The following FAM118A variants were observed in gnomAD, a reference collection of about 807,000 sequenced individuals.
FAM118A encodes SIR2 antiphage like 2.
A neutral mutation model predicts 38.2 loss-of-function variants in FAM118A; 25 were observed. The observed-to-expected ratio is 0.65, with a 90% CI of 0.48 to 0.91. The LOEUF (loss-of-function observed/expected upper bound fraction) is 0.91, where lower values mean the gene tolerates loss of function less well. Among genes scored for constraint, FAM118A ranks in the 40% least tolerant of loss-of-function variants. The probability of loss-of-function intolerance (pLI) is 0.00; values close to 1 mark genes in which losing one functional copy is unlikely to be tolerated. For synonymous variants in FAM118A, 178 were observed against 184.1 expected, an observed-to-expected ratio of 0.97 and a Z score of 0.27; for missense variants, 425 against 463.3, an observed-to-expected ratio of 0.92 and a Z score of 0.76.
rs762231897 is a variant in FAM118A at position 45,323,197 on chromosome 22, C to T, written c.70C>T (p.Arg24Trp). 56 of 1,611,674 alleles carry T rather than the reference C, an allele frequency of 3.5e-5. No individual in the cohort carries two copies. Among genetic ancestry groups the T allele is most frequent in the East Asian group, 1.8e-4 (8 of 44,844 alleles). Residue 24 changes from arginine to tryptophan, a missense_variant, in exon 3 of 9, where the codon CGG becomes TGG. Transcript: ENST00000441876. Reference protein sequence around the residue: ...KSRKFLKSLIRKQPQELLLVI... With the variant: ...KSRKFLKSLIWKQPQELLLVI... The stretch of plus-strand genomic sequence containing the variant: ...TAGAAAGTTTTTAAAAAGCCTCATC[C>T]GGAAACAGCCCCAGGAACTGCTCCT...
At chr22:45,333,774 G>A (rs2085897085) in intron 6 of FAM118A, among the ~76,000 whole-genome samples, 1 of 151,994 alleles carries the variant, frequency 6.6e-6, no homozygotes, top group African/African-American at 2.4e-5. Context: ...CCAGGAGTTA[G>A]AGACTGCAGT....
intron 1 of FAM118A, among the ~76,000 whole-genome samples, chr22:45,318,183 C>T (rs1407233817): frequency 6.6e-6 from 1 of 152,114 alleles, no homozygotes; most frequent in East Asian, 1.9e-4. Flanking sequence ...TGCTAGTGAT[C>T]TTAAGTTCTA....
At chr22:45,326,699 C>T (rs2085291921) in intron 3 of FAM118A, among the ~76,000 whole-genome samples, 2 of 151,648 alleles carry the variant, frequency 1.3e-5, no homozygotes, top group Non-Finnish European at 2.9e-5. Context: ...TGGTGGTGCG[C>T]ACCTGTAGTC....
intron 1 of FAM118A, among the ~76,000 whole-genome samples, chr22:45,316,140 A>G (rs1470422595): frequency 3.9e-5 from 6 of 152,182 alleles, no homozygotes; most frequent in African/African-American, 1.4e-4. Context: ...CCCGGGTTCA[A>G]GCGATTCTCC....
intron 1 of FAM118A, among the ~76,000 whole-genome samples, 164 bp downstream of exon 1, chr22:45,310,347 A>T (rs1347495856): frequency 4.3e-5 from 6 of 138,606 alleles, no homozygotes; most frequent in Admixed American, 2.2e-4. Context: ...CTGCCCCTCC[A>T]GGCCCGCGAA....
At chr22:45,339,117 A>G (rs1389195886) in intron 8 of FAM118A, among the ~76,000 whole-genome samples, 1 of 152,182 alleles carries the variant, frequency 6.6e-6, no homozygotes, top group Non-Finnish European at 1.5e-5. Flanking sequence ...AGTTTTATAC[A>G]ACTTTGGCTG....
intron 1 of FAM118A, chr22:45,322,044 C>T: frequency 2.3e-6 from 1 of 437,612 alleles, no homozygotes; most frequent in South Asian, 2.1e-5. Flanking sequence ...TCTTCTAGAG[C>T]AGTGTCCCAA....
rs558483777 is a variant in FAM118A, at chr22:45,319,273, G to T, written c.-9-3098G>T. On this transcript the variant is annotated intron_variant, in intron 1 of 8. Transcript: ENST00000441876. ...TTTAAAAAATAGTCTAAAATGTCGT[G>T]TACAGACGGCTGAACTAAACAAGCC... 3.9e-5 allele frequency among the ~76,000 whole-genome samples: 6 copies of T among 152,260 alleles called. No individual in the cohort carries two copies. The South Asian group carries it at 8.3e-4, about 21-fold the overall frequency.
upstream of FAM118A, chr22:45,309,155 C>A (rs907440557): frequency 5.3e-5 from 8 of 152,344 alleles, no homozygotes; most frequent in Middle Eastern, 3.4e-3. Context: ...GGGGGCCTCG[C>A]CGGATCGAAC....
intron 6 of FAM118A, 87 bp from the exon 7 acceptor site, chr22:45,335,263 G>A: frequency 1.3e-6 from 2 of 1,507,822 alleles, no homozygotes; most frequent in Non-Finnish European, 9.2e-7. Flanking sequence ...CCCAGTCCCT[G>A]CCGTTCCCAG....
intron 1 of FAM118A, among the ~76,000 whole-genome samples, chr22:45,315,323 T>C (rs1316771321): frequency 6.6e-6 from 1 of 152,076 alleles, no homozygotes; most frequent in Non-Finnish European, 1.5e-5. Flanking sequence ...TTAAGTGGAG[T>C]GCGTTCAAAT....
At chr22:45,312,391 TGCCAGTCGCGGTGGCTCAC>T (rs2084408550) in intron 1 of FAM118A, among the ~76,000 whole-genome samples, 1 of 151,984 alleles carries the variant, frequency 6.6e-6, no homozygotes, top group Non-Finnish European at 1.5e-5. Context: ...TTGATTAATT[TGCCAGTCGCGGTGGCTCAC>T]GCCTGTAATC....
rs2085386837 is a variant in FAM118A at position 45,327,724 on chromosome 22, G to T, written c.301-118G>T. The T allele has an allele frequency of 7.7e-6, 8 of 1,039,898 alleles. No homozygotes were observed. In the South Asian group the frequency reaches 1.2e-4, roughly 15 times the overall value. 64.4% of individuals were successfully genotyped at this position (1,039,898 alleles called of 1,614,324 possible). A position where few individuals can be genotyped will look rare whatever the true frequency, so the allele number is the denominator to read the frequency against. On this transcript the variant is annotated intron_variant, in intron 3 of 8. Transcript: ENST00000441876. Reference sequence around the variant, plus strand: ...CTGGGGTTGCGGCGCACGCTGTGAAGCCAGATTTTCTTTGTTTTCAGCCGC... The same window carrying T: ...CTGGGGTTGCGGCGCACGCTGTGAATCCAGATTTTCTTTGTTTTCAGCCGC...
At chr22:45,311,177 G>A (rs1480477710) in intron 1 of FAM118A, among the ~76,000 whole-genome samples, 1 of 152,184 alleles carries the variant, frequency 6.6e-6, no homozygotes, top group African/African-American at 2.4e-5. Context: ...ATTCTTGAAG[G>A]TTGAGCTAGA....
chr22:45,333,888 G>T lies in FAM118A; in HGVS notation c.937+1178G>T, dbSNP rs543174489. ...TTGAAGTTTACAGCTGTGCACACATGTATAGCTGGACACATTTATTCCTGT... is the reference window on the plus strand; with the variant it reads ...TTGAAGTTTACAGCTGTGCACACATTTATAGCTGGACACATTTATTCCTGT... On this transcript the variant is annotated intron_variant, in intron 6 of 8. Coordinates refer to ENST00000441876, the MANE Select transcript of FAM118A (RefSeq NM_017911.4). 7.9e-5 allele frequency among the ~76,000 whole-genome samples: 12 copies of T among 152,234 alleles called. 2 individuals carry two copies. In the South Asian group the frequency reaches 2.1e-3, roughly 26 times the overall value.
In FAM118A at chr22:45,323,248, G is replaced by T; in HGVS notation, c.121G>T (p.Ala41Ser). The stretch of plus-strand genomic sequence containing the variant: ...GGTTATCGGGACTGGCGTCAGCGCA[G>T]CAGTGGCCCCCGGAATCCCTGCCCT... Reference protein sequence around the residue: ...LLVIGTGVSAAVAPGIPALCS... With the variant: ...LLVIGTGVSASVAPGIPALCS... Residue 41 changes from alanine to serine, a missense_variant, in exon 3 of 9, where the codon GCA (alanine) becomes TCA (serine). Transcript: ENST00000441876. The T allele has an allele frequency of 6.2e-7, 1 of 1,614,232 alleles. No homozygotes were observed. The highest frequency in any genetic ancestry group is 8.5e-7 in the Non-Finnish European group (1 of 1,180,030).
At chr22:45,331,659 G>A (rs1012101917) in intron 5 of FAM118A, among the ~76,000 whole-genome samples, 5 of 152,202 alleles carry the variant, frequency 3.3e-5, no homozygotes, top group Admixed American at 6.5e-5. Context: ...CTGTTCCTCA[G>A]TGCTCATCCC....
At chr22:45,327,767 G>A in intron 3 of FAM118A, 75 bp from the exon 4 acceptor site, 3 of 1,485,038 alleles carry the variant, frequency 2.0e-6, no homozygotes, top group Non-Finnish European at 2.8e-6. Context: ...CTGGCACCCA[G>A]AAAATGGCCT....
intron 4 of FAM118A, chr22:45,328,622 C>T (rs1176542519): frequency 3.5e-6 from 2 of 567,680 alleles, no homozygotes; most frequent in East Asian, 5.7e-5. Flanking sequence ...CAGAGTAAGA[C>T]CCTTTCTCTT....
Sources: gnomAD v4.1 joint callset for allele counts (sites outside exome capture counted in the v4.1 genomes callset) on GRCh38, gnomAD v4.1.1 for gene constraint, MANE v1.5 for transcripts, NCBI Gene and HGNC (gene_info 2026-07-23, HGNC 2026-07-21) for gene names.